The following GALNT14 variants were observed in gnomAD, a reference collection of about 807,000 sequenced individuals.
The protein encoded by GALNT14 is UDP-GalNAc:polypeptide N-acetylgalactosaminyltransferase 14.
A neutral mutation model predicts 77.5 loss-of-function variants in GALNT14; 60 were observed. The observed-to-expected ratio is 0.77, with a 90% CI of 0.63 to 0.96. The LOEUF is 0.96. Among genes scored for constraint, GALNT14 ranks in the 40% least tolerant of loss-of-function variants. The pLI is 0.00. For synonymous variants in GALNT14, 280 were observed against 281.7 expected (o/e 0.99, Z 0.06); for missense variants, 710 against 731.0 (o/e 0.97, Z 0.33).
chr2:31,019,038 A>T (rs745410588), intron 1 of GALNT14, among the ~76,000 whole-genome samples: 3 of 133,884 alleles, frequency 2.2e-5, no homozygotes, highest in Non-Finnish European at 5.2e-5. Flanking sequence ...TTTATTGGGC[A>T]CCATCTCACA....
At chr2:31,060,717 C>T (rs1269362811) in intron 1 of GALNT14, among the ~76,000 whole-genome samples, 3 of 152,162 alleles carry the variant, frequency 2.0e-5, no homozygotes, top group Admixed American at 6.5e-5. Flanking sequence ...CTATCAGTTC[C>T]GGTGCTTGGG....
Position 30,929,412 on chromosome 2 carries a change from C to T in GALNT14, c.1134G>A (p.Leu378=), listed in dbSNP as rs1405670401. The part of the protein sequence containing the change: ...QYYYAARPFA[L]ERPFGNVESR... ...ACACTTACTTCCCGAAGGGCCTCTC[C>T]AGGGCGAATGGCCGGGCAGCGTAAT... Residue 378 remains leucine (L), a synonymous_variant, in exon 11 of 15, where the codon CTG becomes CTA. Coordinates refer to ENST00000349752, the MANE Select transcript of GALNT14 (RefSeq NM_024572.4). The T allele has an allele frequency of 1.2e-6, 2 of 1,614,072 alleles. No individual in the cohort carries two copies. Among genetic ancestry groups the T allele is most frequent in the Admixed American group, 3.3e-5 (2 of 60,032 alleles).
intron 1 of GALNT14, among the ~76,000 whole-genome samples, chr2:31,114,289 G>A (rs115072267): frequency 0.046 from 6,687 of 146,732 alleles, 207 homozygotes; most frequent in African/African-American, 0.083. Context: ...AAAAAAAAAA[G>A]CCACCCACAA....
At chr2:30,999,165 C>G (rs1333641072) in intron 1 of GALNT14, among the ~76,000 whole-genome samples, 1 of 152,190 alleles carries the variant, frequency 6.6e-6, no homozygotes, top group Non-Finnish European at 1.5e-5. Context: ...ATGAATCTAT[C>G]CATCCAACGT....
At chr2:30,933,840 A>T (rs1166035959) in intron 9 of GALNT14, among the ~76,000 whole-genome samples, 1 of 152,252 alleles carries the variant, frequency 6.6e-6, no homozygotes, top group Non-Finnish European at 1.5e-5. Context: ...AACAAATGTC[A>T]TAAAAACACT....
chr2:31,068,612 G>A (rs1675146831), intron 1 of GALNT14, among the ~76,000 whole-genome samples: 1 of 152,032 alleles, frequency 6.6e-6, no homozygotes, highest in African/African-American at 2.4e-5. Context: ...CTGCAAAGAA[G>A]CCACACTAGA....
rs928732161 is a variant in GALNT14 at position 30,931,530 on chromosome 2, G to T, written c.1058+538C>A. 2.6e-5 allele frequency among the ~76,000 whole-genome samples: 4 copies of T among 152,266 alleles called. No individual in the cohort carries two copies. In the East Asian group the frequency reaches 7.8e-4, roughly 30 times the overall value. Reference sequence around the variant, plus strand: ...GTAAGAACCACCCCCCAGACAGGAGGAGAGCACACCAGCAGACAGGAGCCC... The same window carrying T: ...GTAAGAACCACCCCCCAGACAGGAGTAGAGCACACCAGCAGACAGGAGCCC... On this transcript the variant is annotated intron_variant, in intron 10 of 14. Transcript: ENST00000349752.
the GALNT14 span, among the ~76,000 whole-genome samples, chr2:30,889,049 G>A: frequency 6.6e-6 from 1 of 152,000 alleles, no homozygotes; most frequent in Admixed American, 6.6e-5. Flanking sequence ...AAGAAGCCTG[G>A]GAGTAGGACT....
chr2:30,935,218 T>C (rs1363390547), intron 9 of GALNT14, among the ~76,000 whole-genome samples: 2 of 152,088 alleles, frequency 1.3e-5, no homozygotes, highest in Non-Finnish European at 2.9e-5. Context: ...GCTGGTGGCA[T>C]TCAAAAGCAG....
At chr2:30,931,594 C>T (rs1055898862) in intron 10 of GALNT14, among the ~76,000 whole-genome samples, 1 of 152,098 alleles carries the variant, frequency 6.6e-6, no homozygotes, top group Admixed American at 6.5e-5. Context: ...CCCTTTGACT[C>T]TGCTGGCCAG....
the GALNT14 span, among the ~76,000 whole-genome samples, chr2:30,904,135 C>G: frequency 6.6e-6 from 1 of 152,204 alleles, no homozygotes; most frequent in East Asian, 1.9e-4. Flanking sequence ...GAGCCTACAG[C>G]CTCCAAGTTA....
intron 1 of GALNT14, among the ~76,000 whole-genome samples, chr2:31,026,907 C>T (rs546412758): frequency 1.5e-4 from 22 of 143,436 alleles, no homozygotes; most frequent in African/African-American, 5.1e-4. Context: ...ATGTATACTG[C>T]AGCCAGTACA....
intron 1 of GALNT14, among the ~76,000 whole-genome samples, chr2:31,017,217 C>T (rs1392349839): frequency 6.6e-6 from 1 of 152,210 alleles, no homozygotes; most frequent in Non-Finnish European, 1.5e-5. Context: ...ACAGATATGA[C>T]TTGGCCCCTG....
At chr2:31,021,159 G>A (rs1573177983) in intron 1 of GALNT14, among the ~76,000 whole-genome samples, 1 of 152,294 alleles carries the variant, frequency 6.6e-6, no homozygotes, top group South Asian at 2.1e-4. Context: ...TTTTAGAGGT[G>A]TGGAAGGGAT....
chr2:30,918,667 AG>A (rs1664840652), intron 13 of GALNT14, among the ~76,000 whole-genome samples: 2 of 102,284 alleles, frequency 2.0e-5, no homozygotes, highest in South Asian at 6.5e-4. Flanking sequence ...GGCATCGGGC[AG>A]GGAGGGTGGC....
intron 1 of GALNT14, among the ~76,000 whole-genome samples, chr2:31,083,742 G>A (rs147160459): frequency 3.3e-5 from 5 of 152,288 alleles, no homozygotes; most frequent in East Asian, 1.9e-4. Flanking sequence ...TGACTGTGAC[G>A]AAGCCATGGT....
At chr2:30,936,748 A>G (rs1666082028) in intron 9 of GALNT14, among the ~76,000 whole-genome samples, 1 of 152,196 alleles carries the variant, frequency 6.6e-6, no homozygotes, top group African/African-American at 2.4e-5. Context: ...TGAATCTGTG[A>G]GCAAAACTGC....
At chr2:31,091,182 C>A (rs974419310) in intron 1 of GALNT14, among the ~76,000 whole-genome samples, 1 of 152,156 alleles carries the variant, frequency 6.6e-6, no homozygotes, top group African/African-American at 2.4e-5. Flanking sequence ...ACCCACCCCC[C>A]ATTTCTGCAG....
At chr2:31,116,520 T>G (rs1175760957) in intron 1 of GALNT14, among the ~76,000 whole-genome samples, 2 of 152,102 alleles carry the variant, frequency 1.3e-5, no homozygotes, top group Non-Finnish European at 2.9e-5. Context: ...TAAGGCACAA[T>G]TTATTAAAAT....
Sources: gnomAD v4.1 joint callset for allele counts (sites outside exome capture counted in the v4.1 genomes callset) on GRCh38, gnomAD v4.1.1 for gene constraint, MANE v1.5 for transcripts, NCBI Gene and HGNC (gene_info 2026-07-23, HGNC 2026-07-21) for gene names.